The following OTOP1 variants were observed in gnomAD, a reference collection of about 807,000 sequenced individuals.
The protein encoded by OTOP1 is otopetrin 1, also known as proton channel OTOP1.
In OTOP1, 59 loss-of-function variants were observed where a neutral mutation model predicts 52.9. The observed-to-expected ratio is 1.12, with a 90% CI of 0.91 to 1.39. The LOEUF is 1.39. Among genes scored for constraint, OTOP1 ranks in the 40% most tolerant of loss-of-function variants. OTOP1 has a pLI of 0.00. For synonymous variants in OTOP1, 317 were observed against 337.7 expected (o/e 0.94, Z 0.67); for missense variants, 761 against 800.9 (o/e 0.95, Z 0.60).
chr4:4,197,488 C>G lies in OTOP1; in HGVS notation c.1346G>C (p.Arg449Pro). The change falls in exon 5 of 6, where the codon CGA becomes CCA. Residue 449 changes from arginine to proline, a missense_variant. Around this residue, in one of 3 missense-constraint regions of OTOP1, gnomAD observed 632 missense variants for 619.5 expected, o/e 1.02. Coordinates refer to ENST00000296358, the MANE Select transcript of OTOP1 (RefSeq NM_177998.3). ...QNLFIFESIH[R>P]EPEKLSEDIQ... ...GTCCTCAGAGAGTTTTTCAGGCTCT[C>G]GGTGAATGGATTCAAAGATGAAGAG... is the stretch of plus-strand genomic sequence containing the variant. The G allele has an allele frequency of 1.2e-6, 2 of 1,614,018 alleles. No homozygotes were observed. Among genetic ancestry groups the G allele is most frequent in the Non-Finnish European group, 1.7e-6 (2 of 1,180,000 alleles).
At position 4,207,817 on chromosome 4, in the gene OTOP1, G is replaced by A. The variant is rs182010506; in HGVS notation, c.541-1687C>T. ...TTTATTTTGCCAAGATTAAGGACAC[G>A]CATCTGGGAGACAGGTCTGTGCCTT... On this transcript the variant is annotated intron_variant, in intron 2 of 5. Coordinates refer to ENST00000296358, the MANE Select transcript of OTOP1 (RefSeq NM_177998.3). Among the ~76,000 whole-genome samples the A allele has an allele frequency of 1.9e-3, 288 of 152,280 alleles. 1 individual carries two copies. The highest frequency in any genetic ancestry group is 0.011 in the South Asian group (54 of 4,830).
chr4:4,200,506 C>G (rs372317709), intron 4 of OTOP1, among the ~76,000 whole-genome samples: 1 of 149,258 alleles, frequency 6.7e-6, no homozygotes, highest in African/African-American at 2.5e-5. Flanking sequence ...AAAACTATAT[C>G]GTAGCATTAA....
At chr4:4,214,260 C>T (rs1385452772) in intron 1 of OTOP1, among the ~76,000 whole-genome samples, 1 of 152,042 alleles carries the variant, frequency 6.6e-6, no homozygotes, top group African/African-American at 2.4e-5. Context: ...TACCATCACA[C>T]TATCAGGATG....
At chr4:4,204,988 G>A (rs1157779394) in intron 3 of OTOP1, among the ~76,000 whole-genome samples, 1 of 152,076 alleles carries the variant, frequency 6.6e-6, no homozygotes, top group Non-Finnish European at 1.5e-5. Flanking sequence ...TGGCCAGGCT[G>A]GTCTCAAACT....
intron 2 of OTOP1, among the ~76,000 whole-genome samples, chr4:4,210,698 G>C (rs551903422): frequency 1.3e-5 from 2 of 152,266 alleles, no homozygotes; most frequent in African/African-American, 4.8e-5. Context: ...GGGCATGGTG[G>C]CAGGTGTCTG....
At position 4,197,613 on chromosome 4, in the gene OTOP1, G is replaced by A. The variant is rs1219036702; in HGVS notation, c.1221C>T (p.Gly407=). 5.0e-6 allele frequency: 8 copies of A among 1,613,886 alleles called. No individual in the cohort carries two copies. Among genetic ancestry groups the A allele is most frequent in the Non-Finnish European group, 6.8e-6 (8 of 1,180,012 alleles). Residue 407 remains glycine (G), a synonymous_variant, in exon 5 of 6, where the codon GGC becomes GGT. Coordinates refer to ENST00000296358, the MANE Select transcript of OTOP1 (RefSeq NM_177998.3). ...TASGSWLISW[G]SILAILCAEG... ...CAGCACAGAGGATGGCCAAGATTGA[G>A]CCCCAGGAGATAAGCCAGGAGCCCG...
intron 5 of OTOP1, among the ~76,000 whole-genome samples, chr4:4,190,788 G>T (rs916746016): frequency 2.0e-5 from 3 of 152,024 alleles, no homozygotes; most frequent in Admixed American, 6.6e-5. Context: ...GTGACCCTTA[G>T]GGGCTCTCCT....
chr4:4,223,558 A>G (rs115898741), intron 1 of OTOP1, among the ~76,000 whole-genome samples: 4,011 of 152,072 alleles, frequency 0.026, 162 homozygotes, highest in African/African-American at 0.091. Context: ...GACTGAGTAG[A>G]AAAAAAGAAG....
intron 5 of OTOP1, among the ~76,000 whole-genome samples, 180 bp downstream of exon 5, chr4:4,196,986 C>T (rs1460885308): frequency 2.0e-5 from 3 of 152,092 alleles, no homozygotes; most frequent in Non-Finnish European, 4.4e-5. Context: ...AAGCGGGGTG[C>T]AGGGTGAAAA....
At chr4:4,206,256 C>T (rs1716904470) in intron 2 of OTOP1, 126 bp from the exon 3 acceptor site, 7 of 708,652 alleles carry the variant, frequency 9.9e-6, no homozygotes, top group Non-Finnish European at 1.6e-5. Context: ...TGACCTCCTA[C>T]TCCATCTTAG....
chr4:4,197,439 T>C lies in OTOP1; in HGVS notation c.1395A>G (p.Thr465=), dbSNP rs1202840993. The part of the protein sequence containing the change: ...SEDIQTLRVV[T]VCNGNTMPLA... The stretch of plus-strand genomic sequence containing the variant: ...GGGGCATGGTGTTGCCATTGCAGAC[T>C]GTGACCACCCGAAGGGTTTGGATGT... The change falls in exon 5 of 6, where the codon ACA becomes ACG. Residue 465 remains threonine, a synonymous_variant. Transcript: ENST00000296358. 3.1e-6 allele frequency: 5 copies of C among 1,613,992 alleles called. No individual in the cohort carries two copies. Among genetic ancestry groups the C allele is most frequent in the Non-Finnish European group, 4.2e-6 (5 of 1,180,002 alleles).
chr4:4,212,407 A>G (rs1717044873), intron 2 of OTOP1, among the ~76,000 whole-genome samples: 1 of 152,254 alleles, frequency 6.6e-6, no homozygotes, highest in Non-Finnish European at 1.5e-5. Context: ...CAATGGCACA[A>G]GGTTTCTATG....
chr4:4,226,440 C>G (rs1319907920), intron 1 of OTOP1, 22 bp downstream of exon 1: 1 of 1,411,822 alleles, frequency 7.1e-7, no homozygotes, highest in East Asian at 2.9e-5. Flanking sequence ...CGGAGACCCG[C>G]TCGCCCGGCG....
At chr4:4,196,652 C>T (rs1224470946) in intron 5 of OTOP1, among the ~76,000 whole-genome samples, 2 of 152,108 alleles carry the variant, frequency 1.3e-5, no homozygotes, top group African/African-American at 4.8e-5. Context: ...TGCTTGAGCC[C>T]AGGAGGTCGA....
At position 4,205,995 on chromosome 4, in the gene OTOP1, A is replaced by T. The variant is rs1716897743; in HGVS notation, c.599+77T>A. ...TTGGTCTGTTTTTATAACCAAAGCA[A>T]GATGGCAGTGATGAGTTTTGAAAAT... is the stretch of plus-strand genomic sequence containing the variant. On this transcript the variant is annotated intron_variant, in intron 3 of 5. Transcript: ENST00000296358. The T allele has an allele frequency of 2.4e-6, 3 of 1,249,918 alleles. No homozygotes were observed. The Admixed American group carries it at 5.3e-5, about 22-fold the overall frequency. The allele number at this position is 1,249,918 out of a possible 1,614,324, so 77.4% of individuals were successfully genotyped here. A position where few individuals can be genotyped will look rare whatever the true frequency, so the allele number is the denominator to read the frequency against.
intron 5 of OTOP1, among the ~76,000 whole-genome samples, chr4:4,192,283 A>G (rs2108794767): frequency 6.6e-6 from 1 of 152,172 alleles, no homozygotes; most frequent in East Asian, 1.9e-4. Context: ...GTCCCGGCTG[A>G]GCCCAGCCTC....
intron 1 of OTOP1, among the ~76,000 whole-genome samples, chr4:4,217,694 A>C (rs181155612): frequency 1.6e-3 from 250 of 152,350 alleles, no homozygotes; most frequent in Middle Eastern, 3.4e-3. Context: ...AGAAAAGTAA[A>C]GCAGAAAAGG....
Position 4,226,531 on chromosome 4 carries a change from C to T in OTOP1, c.334G>A (p.Gly112Ser), listed in dbSNP as rs776043255. ...AGGCGGCGGTGCGCGGAGCTGCGGC[C>T]CACGTACCACAGCATCCACAGCAGC... is the stretch of plus-strand genomic sequence containing the variant. ...LQLLWMLWYV[G>S]RSSAHRRLFR... is the part of the protein sequence containing the mutation. The change falls in exon 1 of 6, where the codon GGC becomes AGC. Residue 112 changes from glycine to serine, a missense_variant. Physicochemically the swap from Gly to Ser is moderately conservative, Grantham distance 56. This residue lies in a region of OTOP1 where 56 missense variants were observed against 105.6 expected (regional missense o/e 0.53). Coordinates refer to ENST00000296358, the MANE Select transcript of OTOP1 (RefSeq NM_177998.3). The T allele has an allele frequency of 1.9e-6, 3 of 1,600,532 alleles. No individual in the cohort carries two copies. In the South Asian group the frequency reaches 3.3e-5, roughly 18 times the overall value.
At chr4:4,213,707 C>T (rs1341860249) in intron 1 of OTOP1, among the ~76,000 whole-genome samples, 2 of 152,168 alleles carry the variant, frequency 1.3e-5, no homozygotes, top group Non-Finnish European at 2.9e-5. Flanking sequence ...ATTTATCCAT[C>T]TATCTGTTGA....
Sources: gnomAD v4.1 joint callset for allele counts (sites outside exome capture counted in the v4.1 genomes callset) on GRCh38, gnomAD v4.1.1 for gene constraint, gnomAD v4.1.1 regional missense constraint, MANE v1.5 for transcripts, NCBI Gene and HGNC (gene_info 2026-07-23, HGNC 2026-07-21) for gene names.